LRP1: variants seen among roughly 807,000 people sequenced by gnomAD.
The protein encoded by LRP1 is LDL receptor related protein 1, also known as prolow-density lipoprotein receptor-related protein 1.
A neutral mutation model predicts 541.5 loss-of-function variants in LRP1; 51 were observed. The ratio of observed to expected loss-of-function variants is 0.09; its 90% confidence interval spans 0.08 to 0.12. The LOEUF (loss-of-function observed/expected upper bound fraction) is 0.12. Among genes scored for constraint, LRP1 ranks in the 10% least tolerant of loss-of-function variants. LRP1 has a pLI of 1.00. For synonymous variants in LRP1, 2,219 were observed against 2,470.8 expected (o/e 0.90, Z 3.02); for missense variants, 3,878 against 6,376.2 (o/e 0.61, Z 13.34).
rs943975656 is a variant in LRP1, at chr12:57,183,690, C to T, written c.5795-85C>T. 6.4e-7 allele frequency: 1 copy of T among 1,570,450 alleles called. No homozygotes were observed. The highest frequency in any genetic ancestry group is 2.2e-5 in the East Asian group (1 of 44,578). On this transcript the variant is annotated intron_variant, in intron 35 of 88. Transcript: ENST00000243077. The surrounding 1 kb of genome is among the most constrained non-coding windows in gnomAD (Gnocchi z 6.1). ...CCTGGCCCCTCCGGCACTCTCTCACCTCTGTCTTGAGCCTTGTGAGATTTT... is the reference window on the plus strand; with the variant it reads ...CCTGGCCCCTCCGGCACTCTCTCACTTCTGTCTTGAGCCTTGTGAGATTTT...
chr12:57,181,921 C>T (rs2036173627), intron 34 of LRP1, among the ~76,000 whole-genome samples: 1 of 152,200 alleles, frequency 6.6e-6, no homozygotes, highest in African/African-American at 2.4e-5. Context: ...CCCAAAAGTG[C>T]ATTCCTAGGA....
At chr12:57,196,927 G>T in intron 55 of LRP1, 55 bp from the exon 56 acceptor site, 2 of 1,480,042 alleles carry the variant, frequency 1.4e-6, no homozygotes, top group East Asian at 2.4e-5. Context: ...AGGTCTCCAG[G>T]GTGGGAGGCC....
At chr12:57,195,246 T>G (rs1248548762) in intron 51 of LRP1, 25 bp from the exon 52 acceptor site, 1 of 1,610,608 alleles carries the variant, frequency 6.2e-7, no homozygotes, top group African/African-American at 1.3e-5. Context: ...CCTAAGTCTC[T>G]CAGTGGCCCT....
At chr12:57,133,153 G>A (rs765086620) in intron 1 of LRP1, among the ~76,000 whole-genome samples, 1 of 152,164 alleles carries the variant, frequency 6.6e-6, no homozygotes, top group African/African-American at 2.4e-5. Flanking sequence ...GATGTAAGGA[G>A]TGAGTCAAGA....
rs117687310 is a variant in LRP1, at chr12:57,165,283, C to T, written c.2531-522C>T. Reference sequence around the variant, plus strand: ...AGGTTACCAAGGCACAGACAAAGGACGTCGTGATTTAGCTGCTAATGGGCC... The same window carrying T: ...AGGTTACCAAGGCACAGACAAAGGATGTCGTGATTTAGCTGCTAATGGGCC... On this transcript the variant is annotated intron_variant, in intron 15 of 88. Transcript: ENST00000243077. This position sits in a 1 kb window ranked among gnomAD's most constrained non-coding sequence, Gnocchi z 4.5. 8.4e-3 allele frequency: 1,291 copies of T among 153,642 alleles called. 14 individuals carry two copies. The highest frequency in any genetic ancestry group is 0.027 in the Middle Eastern group (8 of 294). 9.5% of individuals were successfully genotyped at this position (153,642 alleles called of 1,614,324 possible).
intron 3 of LRP1, among the ~76,000 whole-genome samples, chr12:57,142,835 G>T (rs1428345195): frequency 6.6e-6 from 1 of 152,116 alleles, no homozygotes; most frequent in African/African-American, 2.4e-5. Context: ...AGAAAGAATC[G>T]CTGGGGCCTG....
In LRP1 at chr12:57,184,079, C is replaced by A; in HGVS notation, c.5930-6C>A. On this transcript the variant is annotated splice_region_variant and splice_polypyrimidine_tract_variant and intron_variant, in intron 36 of 88. Transcript: ENST00000243077. The surrounding 1 kb of genome is among the most constrained non-coding windows in gnomAD (Gnocchi z 7.8). ...CCTCCCTGAGCCCCACCAACTCCCT[C>A]CTTAGGCAACATCTACTGGACAGAC... 6.2e-7 allele frequency: 1 copy of A among 1,613,170 alleles called. No homozygotes were observed. Among genetic ancestry groups the A allele is most frequent in the African/African-American group, 1.3e-5 (1 of 75,036 alleles).
In LRP1 at chr12:57,202,923, C is replaced by G. The variant is rs1035481891; in HGVS notation, c.10712-258C>G. 5 of 574,434 alleles carry G rather than the reference C, an allele frequency of 8.7e-6. No individual in the cohort carries two copies. The African/African-American group carries it at 9.3e-5, about 11-fold the overall frequency. The allele number at this position is 574,434 out of a possible 1,614,324, so 35.6% of individuals were successfully genotyped here. A position where few individuals can be genotyped will look rare whatever the true frequency, so the allele number is the denominator to read the frequency against. On this transcript the variant is annotated intron_variant, in intron 68 of 88. Coordinates refer to ENST00000243077, the MANE Select transcript of LRP1 (RefSeq NM_002332.3). ...TTGCCCCCGCTCCCCTCCCCAAACA[C>G]AGTCTGTTCTGAGGGCAAGGCCAGG...
At chr12:57,129,070 C>A (rs2034980411) in intron 1 of LRP1, 39 bp downstream of exon 1, 2 of 1,538,878 alleles carry the variant, frequency 1.3e-6, no homozygotes, top group East Asian at 4.9e-5. Context: ...CCCCTGGGGG[C>A]ACCCTCTCCC....
intron 20 of LRP1, among the ~76,000 whole-genome samples, chr12:57,171,424 C>T (rs960615223): frequency 2.0e-5 from 3 of 152,148 alleles, no homozygotes; most frequent in Non-Finnish European, 4.4e-5. Flanking sequence ...AAACTGAGCA[C>T]TTCCGTAGGG....
rs1310629909 is a variant in LRP1, at chr12:57,197,218, C to T, written c.9076+53C>T. On this transcript the variant is annotated intron_variant, in intron 56 of 88. Coordinates refer to ENST00000243077, the MANE Select transcript of LRP1 (RefSeq NM_002332.3). This position sits in a 1 kb window ranked among gnomAD's most constrained non-coding sequence, Gnocchi z 4.5. ...GTGACCCAGGCTGTGTGGGACTGCC[C>T]GGGTGGCAGAGCTCCAGACAGGCAG... is the stretch of plus-strand genomic sequence containing the variant. 77 of 1,611,804 alleles carry T rather than the reference C, an allele frequency of 4.8e-5. No individual in the cohort carries two copies. The highest frequency in any genetic ancestry group is 1.7e-4 in the Middle Eastern group (1 of 6,060).
Position 57,162,287 on chromosome 12 carries a change from A to G in LRP1, c.2203-30A>G, listed in dbSNP as rs2035751367. 6.3e-7 allele frequency: 1 copy of G among 1,595,744 alleles called. No homozygotes were observed. Among genetic ancestry groups the G allele is most frequent in the Non-Finnish European group, 8.6e-7 (1 of 1,163,920 alleles). On this transcript the variant is annotated intron_variant, in intron 13 of 88. Transcript: ENST00000243077. This position sits in a 1 kb window ranked among gnomAD's most constrained non-coding sequence, Gnocchi z 5.2. ...ACAGGCCTCCCTCAATTTTCTTCCA[A>G]CTCCTTAGTAACATCCTCTCCATCC...
In LRP1 at chr12:57,131,595, C is replaced by T. The variant is rs191336867; in HGVS notation, c.67+2564C>T. 3.6e-3 allele frequency among the ~76,000 whole-genome samples: 553 copies of T among 152,276 alleles called. 5 individuals carry two copies. Among genetic ancestry groups the T allele is most frequent in the African/African-American group, 0.013 (521 of 41,550 alleles). ...TGGATCCCTGAGAGAAAGTTCTAAA[C>T]TCCTTTCTCCCTGATCAGACTCACA... On this transcript the variant is annotated intron_variant, in intron 1 of 88. Transcript: ENST00000243077.
rs2035669805 is a variant in LRP1 at position 57,158,644 on chromosome 12, G to T, written c.1798+6G>T. 4 of 1,612,988 alleles carry T rather than the reference G, an allele frequency of 2.5e-6. No individual in the cohort carries two copies. Among genetic ancestry groups the T allele is most frequent in the Admixed American group, 3.3e-5 (2 of 60,012 alleles). On this transcript the variant is annotated splice_donor_region_variant and intron_variant, in intron 11 of 88. Transcript: ENST00000243077. The surrounding 1 kb of genome is among the most constrained non-coding windows in gnomAD (Gnocchi z 5.3). Reference sequence around the variant, plus strand: ...GGAGACCATCCTGAAGGACGGTATGGGCTCCTAGGGATGTGGCCCATGGGG... The same window carrying T: ...GGAGACCATCCTGAAGGACGGTATGTGCTCCTAGGGATGTGGCCCATGGGG...
intron 34 of LRP1, among the ~76,000 whole-genome samples, chr12:57,182,195 A>G (rs2036178751): frequency 6.6e-6 from 1 of 152,120 alleles, no homozygotes; most frequent in African/African-American, 2.4e-5. Flanking sequence ...TCTGAGGTGC[A>G]TGGGTAGTGG....
chr12:57,154,385 C>T lies in LRP1; in HGVS notation c.1004+15C>T, dbSNP rs199886321. 1.2e-5 allele frequency: 18 copies of T among 1,551,498 alleles called. No individual in the cohort carries two copies. The highest frequency in any genetic ancestry group is 2.7e-5 in the African/African-American group (2 of 73,240). On this transcript the variant is annotated intron_variant, in intron 7 of 88. Transcript: ENST00000243077. This position sits in a 1 kb window ranked among gnomAD's most constrained non-coding sequence, Gnocchi z 4.6. ...CCTGCCATGGGGTGAGAGTGGCAGG[C>T]GGGGTTCTGGCCCTGGAAGGTGGGA...
In LRP1 at chr12:57,183,445, A is replaced by G; in HGVS notation, c.5729A>G (p.Asp1910Gly). 1 of 1,614,156 alleles carries G rather than the reference A, an allele frequency of 6.2e-7. No individual in the cohort carries two copies. Among genetic ancestry groups the G allele is most frequent in the Non-Finnish European group, 8.5e-7 (1 of 1,179,992 alleles). ...AGGGGAATTCCCCTGGATCCCAATG[A>G]CAAGTCAGATGCCCTGGTCCCAGTG... ...GIRGIPLDPN[D>G]KSDALVPVSG... Residue 1910 changes from aspartate to glycine, a missense_variant, in exon 35 of 89, where the codon GAC (aspartate) becomes GGC (glycine). Asp to Gly is a moderately conservative substitution (Grantham distance 94, BLOSUM62 -1). Transcript: ENST00000243077. This position sits in a 1 kb window ranked among gnomAD's most constrained non-coding sequence, Gnocchi z 6.1.
chr12:57,210,913 G>A (rs368103676), intron 83 of LRP1, 34 bp downstream of exon 83: 1,124 of 1,594,606 alleles, frequency 7.0e-4, no homozygotes, highest in Non-Finnish European at 8.5e-4. Flanking sequence ...CAGGGCATGC[G>A]GGAGGGTGAC....
chr12:57,153,319 C>T (rs1198074135), intron 6 of LRP1, among the ~76,000 whole-genome samples: 1 of 152,168 alleles, frequency 6.6e-6, no homozygotes, highest in African/African-American at 2.4e-5. Flanking sequence ...TCCGGCCACC[C>T]TTGCCCTGCC....
Sources: gnomAD v4.1 joint callset for allele counts (sites outside exome capture counted in the v4.1 genomes callset) on GRCh38, gnomAD v4.1.1 for gene constraint, Gnocchi (gnomAD v3.1) non-coding constraint, MANE v1.5 for transcripts, NCBI Gene and HGNC (gene_info 2026-07-23, HGNC 2026-07-21) for gene names.